Variants in GRID2 observed in about 807,000 individuals in gnomAD.
The protein encoded by GRID2 is glutamate ionotropic receptor delta type subunit 2.
GRID2 carries 33 observed loss-of-function variants against 114.8 expected under a neutral mutation model. The observed-to-expected ratio is 0.29, with a 90% CI of 0.22 to 0.38. The LOEUF (loss-of-function observed/expected upper bound fraction) is 0.38, where lower values mean the gene tolerates loss of function less well. GRID2 is among the 10% of genes least tolerant of loss of function. The pLI is 1.00. For synonymous variants in GRID2, 505 were observed against 449.9 expected, an observed-to-expected ratio of 1.12 and a Z score of -1.55; for missense variants, 1,184 against 1,257.7, an observed-to-expected ratio of 0.94 and a Z score of 0.89.
At chr4:92,312,381 T>C (rs1391618116) in intron 1 of GRID2, among the ~76,000 whole-genome samples, 2 of 152,090 alleles carry the variant, frequency 1.3e-5, no homozygotes, top group African/African-American at 4.8e-5. Context: ...AAATTGACAA[T>C]AGCAAATTGG....
At chr4:92,745,052 T>C (rs150408933) in intron 2 of GRID2, among the ~76,000 whole-genome samples, 267 of 152,288 alleles carry the variant, frequency 1.8e-3, no homozygotes, top group Middle Eastern at 0.014. Flanking sequence ...TCTTGTTCCT[T>C]TCTCTGAAGT....
chr4:93,495,526 C>T (rs771212172), intron 12 of GRID2, among the ~76,000 whole-genome samples: 1 of 151,654 alleles, frequency 6.6e-6, no homozygotes, highest in Non-Finnish European at 1.5e-5. Flanking sequence ...TCATCGAGGG[C>T]ATGGTAAGAC....
intron 10 of GRID2, among the ~76,000 whole-genome samples, chr4:93,447,889 A>G (rs934641189): frequency 6.6e-6 from 1 of 151,972 alleles, no homozygotes; most frequent in Non-Finnish European, 1.5e-5. Flanking sequence ...TGATAATTGA[A>G]TTCTTTTACA....
chr4:93,068,085 C>T (rs72885772), intron 2 of GRID2, among the ~76,000 whole-genome samples: 7 of 151,966 alleles, frequency 4.6e-5, no homozygotes, highest in Admixed American at 3.3e-4. Context: ...TGGTTATAGA[C>T]TTTAATCTCA....
intron 12 of GRID2, among the ~76,000 whole-genome samples, chr4:93,496,340 T>G (rs1727544150): frequency 6.6e-6 from 1 of 151,788 alleles, no homozygotes; most frequent in South Asian, 2.1e-4. Context: ...CTCAGTTCCC[T>G]GAATTTTTGC....
chr4:92,939,509 G>C (rs3970991), intron 2 of GRID2, among the ~76,000 whole-genome samples: 2,464 of 147,166 alleles, frequency 0.017, 247 homozygotes, highest in East Asian at 0.069. Context: ...CTCCCATTCT[G>C]TAGGTTCCCT....
intron 2 of GRID2, among the ~76,000 whole-genome samples, chr4:93,032,712 G>A (rs1353331655): frequency 6.6e-6 from 1 of 152,080 alleles, no homozygotes; most frequent in Non-Finnish European, 1.5e-5. Flanking sequence ...TTAAGCAGAT[G>A]TCTAAAGAAG....
intron 13 of GRID2, among the ~76,000 whole-genome samples, chr4:93,587,527 T>A (rs1185326941): frequency 2.0e-5 from 3 of 152,092 alleles, no homozygotes; most frequent in Non-Finnish European, 2.9e-5. Flanking sequence ...TTAGTTAGAG[T>A]ATATTTTAAA....
rs1347689301 is a variant in GRID2 at position 93,403,417 on chromosome 4, C to T, written c.1347+7709C>T. On this transcript the variant is annotated intron_variant, in intron 9 of 15. Transcript: ENST00000282020. ...ATGTCAAAAATGAAAAAGAAATGAA[C>T]AAAAAACAACACTAACAAAAAAGTT... Among the ~76,000 whole-genome samples the T allele has an allele frequency of 5.9e-5, 9 of 151,666 alleles. No homozygotes were observed. In the South Asian group the frequency reaches 1.3e-3, roughly 21 times the overall value.
At chr4:93,318,258 C>T (rs1290353092) in intron 8 of GRID2, among the ~76,000 whole-genome samples, 4 of 150,826 alleles carry the variant, frequency 2.7e-5, no homozygotes, top group African/African-American at 9.8e-5. Context: ...TACATGATGA[C>T]CTGGAAAAAT....
At chr4:93,112,256 G>A (rs537731262) in intron 4 of GRID2, 1 of 152,164 alleles carries the variant, frequency 6.6e-6, no homozygotes, top group Admixed American at 6.5e-5. Context: ...TATTTGAACT[G>A]GACTTCGTGT....
chr4:93,798,358 C>G (rs1449402217), intron 1 of GRID2, among the ~76,000 whole-genome samples: 6 of 152,016 alleles, frequency 3.9e-5, no homozygotes, highest in African/African-American at 1.5e-4. Flanking sequence ...TGAAGAGACT[C>G]TCCCTTCAGC....
chr4:93,164,739 G>C (rs967014594), intron 4 of GRID2: 2 of 437,264 alleles, frequency 4.6e-6, no homozygotes, highest in Admixed American at 2.4e-5. Context: ...TTCAGATGTC[G>C]TTTTAGAAAA....
intron 8 of GRID2, among the ~76,000 whole-genome samples, chr4:93,364,850 C>A (rs972515944): frequency 7.9e-5 from 12 of 152,078 alleles, no homozygotes; most frequent in Non-Finnish European, 1.3e-4. Context: ...TTATTCTCTT[C>A]TTTTTGACCT....
chr4:92,517,916 C>CA (rs779635204), intron 1 of GRID2, among the ~76,000 whole-genome samples: 1 of 151,194 alleles, frequency 6.6e-6, no homozygotes, highest in Non-Finnish European at 1.5e-5. Flanking sequence ...AACAAACAAA[C>CA]AAAAAACCAA....
At chr4:93,519,940 T>G (rs1308722179) in intron 13 of GRID2, among the ~76,000 whole-genome samples, 2 of 152,138 alleles carry the variant, frequency 1.3e-5, no homozygotes, top group East Asian at 3.9e-4. Context: ...ACCAAGCCAC[T>G]GGACTTCAGG....
intron 7 of GRID2, among the ~76,000 whole-genome samples, chr4:93,232,486 G>A (rs1309642987): frequency 6.7e-6 from 1 of 149,720 alleles, no homozygotes; most frequent in African/African-American, 2.5e-5. Context: ...ATTGATATAT[G>A]TTGAGCCCAA....
intron 14 of GRID2, 82 bp downstream of exon 14, chr4:93,626,517 T>C (rs1156391768): frequency 1.1e-6 from 1 of 878,262 alleles, no homozygotes; most frequent in African/African-American, 1.7e-5. Context: ...TCTGGTTTAT[T>C]ACATTTTGTT....
chr4:93,397,318 A>C (rs1277416769), intron 9 of GRID2, among the ~76,000 whole-genome samples: 1 of 151,982 alleles, frequency 6.6e-6, no homozygotes, highest in Non-Finnish European at 1.5e-5. Flanking sequence ...TATGTACCTA[A>C]GGGTATTGAT....
Sources: gnomAD v4.1 joint callset for allele counts (sites outside exome capture counted in the v4.1 genomes callset) on GRCh38, gnomAD v4.1.1 for gene constraint, MANE v1.5 for transcripts, NCBI Gene and HGNC (gene_info 2026-07-23, HGNC 2026-07-21) for gene names.